The following SMARCAD1 variants were observed in gnomAD, a reference collection of about 807,000 sequenced individuals.
The protein encoded by SMARCAD1 is SNF2 related chromatin remodeling ATPase with DExD box 1, also known as SWI/SNF-related matrix-associated actin-dependent regulator of chromatin subfamily A containing DEAD/H box 1.
In SMARCAD1, 25 loss-of-function variants were observed where a neutral mutation model predicts 127.1. That is an observed-to-expected ratio of 0.20 (90% CI 0.14 to 0.27). The LOEUF is 0.27. SMARCAD1 is among the 10% of genes least tolerant of loss of function. The pLI is 1.00. For missense variants in SMARCAD1, 807 were observed against 1,206.0 expected (o/e 0.67, Z 4.90); for synonymous variants, 400 against 396.9 (o/e 1.01, Z -0.09).
At chr4:94,230,474 T>C (rs542689314) in intron 3 of SMARCAD1, among the ~76,000 whole-genome samples, 4 of 152,166 alleles carry the variant, frequency 2.6e-5, no homozygotes, top group Non-Finnish European at 5.9e-5. Flanking sequence ...TCATTCCCCA[T>C]GTATGGGCAT....
At chr4:94,214,619 G>A (rs965034364) in intron 2 of SMARCAD1, among the ~76,000 whole-genome samples, 1 of 152,092 alleles carries the variant, frequency 6.6e-6, no homozygotes, top group African/African-American at 2.4e-5. Flanking sequence ...GACTGAGGGA[G>A]GGAGGTATCT....
intron 6 of SMARCAD1, among the ~76,000 whole-genome samples, chr4:94,242,501 C>T (rs1747747154): frequency 6.6e-6 from 1 of 152,150 alleles, no homozygotes; most frequent in Non-Finnish European, 1.5e-5. Context: ...AAATGGGCAA[C>T]AAGATGTACT....
intron 2 of SMARCAD1, among the ~76,000 whole-genome samples, chr4:94,222,035 C>T (rs927761521): frequency 5.3e-5 from 8 of 152,076 alleles, no homozygotes; most frequent in Admixed American, 5.2e-4. Flanking sequence ...TATATTTAAT[C>T]AGGTCTGTGC....
intron 9 of SMARCAD1, among the ~76,000 whole-genome samples, chr4:94,262,852 A>G (rs749104805): frequency 2.0e-5 from 3 of 150,052 alleles, no homozygotes; most frequent in South Asian, 2.1e-4. Flanking sequence ...GGCTGTGTCT[A>G]TCTCCCAGAT....
intron 12 of SMARCAD1, among the ~76,000 whole-genome samples, chr4:94,274,439 C>A (rs1277407542): frequency 6.6e-6 from 1 of 152,154 alleles, no homozygotes; most frequent in East Asian, 1.9e-4. Flanking sequence ...GCCTCAGCCT[C>A]CCGAGTAGCT....
chr4:94,243,632 A>G (rs1177340248), intron 6 of SMARCAD1, among the ~76,000 whole-genome samples: 1 of 152,232 alleles, frequency 6.6e-6, no homozygotes, highest in Non-Finnish European at 1.5e-5. Flanking sequence ...CGATTTGAGC[A>G]TAATCCAAAA....
rs772445739 is a variant in SMARCAD1, at chr4:94,208,318, T to TA, written c.-49-28_-49-27insA. The TA allele has an allele frequency of 4.9e-5, 73 of 1,494,798 alleles. No homozygotes were observed. In the South Asian group the frequency reaches 7.6e-4, roughly 16 times the overall value. 92.6% of individuals were successfully genotyped at this position (1,494,798 alleles called of 1,614,324 possible). On this transcript the variant is annotated intron_variant, in intron 1 of 23. Coordinates refer to ENST00000354268, the MANE Select transcript of SMARCAD1 (RefSeq NM_020159.5). ...TATCGTATATTGTTTTCATGGCCTT[T>TA]TTTCCTCTCTTTATTTTTCCCCTGC... is the stretch of plus-strand genomic sequence containing the variant.
chr4:94,260,531 A>G (rs1265092315), intron 9 of SMARCAD1, among the ~76,000 whole-genome samples: 2 of 151,926 alleles, frequency 1.3e-5, no homozygotes, highest in Non-Finnish European at 2.9e-5. Flanking sequence ...TTTAGTAGAG[A>G]CAGGGTTCCA....
intron 9 of SMARCAD1, among the ~76,000 whole-genome samples, chr4:94,260,029 C>CCT (rs1222190403): frequency 6.6e-6 from 1 of 151,446 alleles, no homozygotes; most frequent in South Asian, 2.1e-4. Flanking sequence ...ATTCCTCATC[C>CCT]CTCTCTCTCT....
chr4:94,233,052 T>C (rs1312732456), intron 3 of SMARCAD1, among the ~76,000 whole-genome samples: 2 of 152,182 alleles, frequency 1.3e-5, no homozygotes, highest in African/African-American at 2.4e-5. Flanking sequence ...TCACATGTTG[T>C]GCCATAAAGG....
At chr4:94,280,505 C>G in intron 19 of SMARCAD1, 87 bp from the exon 20 acceptor site, 2 of 1,115,804 alleles carry the variant, frequency 1.8e-6, no homozygotes, top group Non-Finnish European at 2.6e-6. Flanking sequence ...GATATTTTAT[C>G]AGGTATAAAC....
chr4:94,249,542 T>C (rs1748952461), intron 6 of SMARCAD1, 112 bp from the exon 7 acceptor site: 1 of 698,726 alleles, frequency 1.4e-6, no homozygotes, highest in Admixed American at 2.2e-5. Context: ...TTTGGATTCT[T>C]CTGACTGATG....
intron 10 of SMARCAD1, among the ~76,000 whole-genome samples, chr4:94,267,145 A>C (rs1259702440): frequency 6.6e-6 from 1 of 152,120 alleles, no homozygotes; most frequent in Non-Finnish European, 1.5e-5. Context: ...TTTTGAGCTA[A>C]ATCTGCCAAG....
At chr4:94,225,091 C>T (rs1319729489) in intron 2 of SMARCAD1, among the ~76,000 whole-genome samples, 4 of 152,094 alleles carry the variant, frequency 2.6e-5, no homozygotes, top group Admixed American at 6.5e-5. Flanking sequence ...GGAATTTACC[C>T]CTTGGAGAGA....
chr4:94,275,032 A>G (rs1335788725), intron 14 of SMARCAD1, 67 bp downstream of exon 14: 5 of 1,088,996 alleles, frequency 4.6e-6, no homozygotes, highest in African/African-American at 3.1e-5. Context: ...AAGAAATTGT[A>G]GTAGTACTAT....
At chr4:94,273,866 C>T in intron 12 of SMARCAD1, 150 bp downstream of exon 12, 2 of 661,520 alleles carry the variant, frequency 3.0e-6, no homozygotes, top group Non-Finnish European at 2.6e-6. Context: ...ATACTTTTCT[C>T]CTTTGTTTAT....
chr4:94,266,329 A>T (rs1021413898), intron 10 of SMARCAD1, among the ~76,000 whole-genome samples: 7 of 152,124 alleles, frequency 4.6e-5, no homozygotes, highest in Non-Finnish European at 8.8e-5. Flanking sequence ...CCACATTCAC[A>T]AAGTCCTGTT....
chr4:94,289,386 T>C, intron 23 of SMARCAD1, 87 bp from the exon 24 acceptor site: 1 of 1,229,000 alleles, frequency 8.1e-7, no homozygotes, highest in Non-Finnish European at 1.2e-6. Context: ...TGAGTAAGAA[T>C]TCACCAAAGA....
intron 11 of SMARCAD1, among the ~76,000 whole-genome samples, chr4:94,272,560 AT>A (rs2125981331): frequency 6.6e-6 from 1 of 151,546 alleles, no homozygotes; most frequent in South Asian, 2.1e-4. Context: ...ATCCTCGTGG[AT>A]TTTTTTCTGG....
Sources: gnomAD v4.1 joint callset for allele counts (sites outside exome capture counted in the v4.1 genomes callset) on GRCh38, gnomAD v4.1.1 for gene constraint, MANE v1.5 for transcripts, NCBI Gene and HGNC (gene_info 2026-07-23, HGNC 2026-07-21) for gene names.